The following DACH2 variants were observed in gnomAD, a reference collection of about 807,000 sequenced individuals.
DACH2 encodes dachshund homolog 2.
A neutral mutation model predicts 35.8 loss-of-function variants in DACH2; 17 were observed. The ratio of observed to expected loss-of-function variants is 0.48; its 90% CI spans 0.33 to 0.71. The LOEUF is 0.71. Among genes scored for constraint, DACH2 ranks in the 30% least tolerant of loss-of-function variants. The probability of loss-of-function intolerance (pLI) is 0.02; values close to 1 mark genes in which losing one functional copy is unlikely to be tolerated. For synonymous variants in DACH2, 195 were observed against 177.3 expected (o/e 1.10, Z -0.79); for missense variants, 469 against 472.7 (o/e 0.99, Z 0.07).
chrX:86,782,907 G>A lies in DACH2; in HGVS notation c.1241-29949G>A, dbSNP rs1402829454. 1.1e-4 allele frequency among the ~76,000 whole-genome samples: 12 copies of A among 109,885 alleles called. No homozygotes were observed. In the Admixed American group the frequency reaches 1.2e-3, roughly 11 times the overall value. ...AGGCAATCAAAGGAAAAAAAAAATG[G>A]ACAAGTGGGATTATATCAAATTAAA... On this transcript the variant is annotated intron_variant, in intron 7 of 11. Coordinates refer to ENST00000373125, the MANE Select transcript of DACH2 (RefSeq NM_053281.3).
intron 5 of DACH2, among the ~76,000 whole-genome samples, chrX:86,704,211 A>G (rs1002849145): frequency 1.8e-5 from 2 of 111,900 alleles, no homozygotes; most frequent in Non-Finnish European, 3.8e-5. Context: ...AACCCTATTC[A>G]ACAAATGGTG....
At chrX:86,206,687 C>T (rs2032321421) in intron 1 of DACH2, among the ~76,000 whole-genome samples, 1 of 111,879 alleles carries the variant, frequency 8.9e-6, no homozygotes. Context: ...CTTTCCTCAT[C>T]TGTAAATGGG....
rs187557425 is a variant in DACH2, at chrX:86,713,280, C to G, written c.932-1268C>G. 4.5e-5 allele frequency among the ~76,000 whole-genome samples: 5 copies of G among 111,384 alleles called. No homozygotes were observed. The East Asian group carries it at 1.1e-3, about 25-fold the overall frequency. On this transcript the variant is annotated intron_variant, in intron 5 of 11. Coordinates refer to ENST00000373125, the MANE Select transcript of DACH2 (RefSeq NM_053281.3). Reference sequence around the variant, plus strand: ...AAGAAGCCATAGAATGCGAGAAAATCTTTGTCCTAAAAATATATGTGTTTT... The same window carrying G: ...AAGAAGCCATAGAATGCGAGAAAATGTTTGTCCTAAAAATATATGTGTTTT...
intron 1 of DACH2, among the ~76,000 whole-genome samples, chrX:86,285,259 T>C (rs1044996589): frequency 2.7e-5 from 3 of 111,813 alleles, no homozygotes; most frequent in Non-Finnish European, 3.8e-5. Flanking sequence ...CTTTAAGATA[T>C]CTCATCAGAT....
chrX:86,654,969 T>C (rs1159286653), intron 4 of DACH2, among the ~76,000 whole-genome samples: 1 of 111,724 alleles, frequency 9.0e-6, no homozygotes, highest in Non-Finnish European at 1.9e-5. Flanking sequence ...ATCTGAAAAT[T>C]TTTGGTAATC....
chrX:86,202,266 C>T lies in DACH2; in HGVS notation c.488+53158C>T, dbSNP rs1366693493. Among the ~76,000 whole-genome samples the T allele has an allele frequency of 2.7e-5, 3 of 111,002 alleles. No homozygotes were observed. In the Admixed American group the frequency reaches 2.9e-4, roughly 11 times the overall value. On this transcript the variant is annotated intron_variant, in intron 1 of 11. Coordinates refer to ENST00000373125, the MANE Select transcript of DACH2 (RefSeq NM_053281.3). ...GGATTAAGTGGGAATGGCAGGCAAG[C>T]ATTCAACCAATTATAATACTATAGA...
chrX:86,242,151 T>G (rs2033178902), intron 1 of DACH2, among the ~76,000 whole-genome samples: 1 of 112,090 alleles, frequency 8.9e-6, no homozygotes, highest in Non-Finnish European at 1.9e-5. Flanking sequence ...CCCAGAATTG[T>G]AGGTCCACTG....
At chrX:86,309,293 G>A (rs1187771430) in intron 1 of DACH2, among the ~76,000 whole-genome samples, 1 of 112,173 alleles carries the variant, frequency 8.9e-6, no homozygotes, top group Admixed American at 9.4e-5. Flanking sequence ...TACTGTACCA[G>A]ATGTGGTTTG....
At chrX:86,817,184 A>G (rs1174926747) in intron 11 of DACH2, among the ~76,000 whole-genome samples, 1 of 112,019 alleles carries the variant, frequency 8.9e-6, no homozygotes, top group Non-Finnish European at 1.9e-5. Flanking sequence ...CTAATGCACT[A>G]TGTTAGGTGT....
chrX:86,668,164 C>A (rs758015918), intron 4 of DACH2, among the ~76,000 whole-genome samples: 1 of 112,069 alleles, frequency 8.9e-6, no homozygotes, highest in African/African-American at 3.2e-5. Flanking sequence ...TGAAAGTAAT[C>A]TATTTTCTTA....
chrX:86,567,364 A>G (rs1173654926), intron 3 of DACH2, among the ~76,000 whole-genome samples: 1 of 111,381 alleles, frequency 9.0e-6, no homozygotes, highest in Non-Finnish European at 1.9e-5. Flanking sequence ...TTTTAACTGG[A>G]TTTATCTGGC....
chrX:86,641,259 T>A (rs778705374), intron 3 of DACH2, among the ~76,000 whole-genome samples: 1 of 112,009 alleles, frequency 8.9e-6, no homozygotes, highest in East Asian at 2.8e-4. Flanking sequence ...AAGAAGAACC[T>A]AACGTGTCAG....
intron 3 of DACH2, among the ~76,000 whole-genome samples, chrX:86,621,933 G>T (rs2040073672): frequency 9.0e-6 from 1 of 111,662 alleles, no homozygotes; most frequent in Non-Finnish European, 1.9e-5. Flanking sequence ...TACAAATTTA[G>T]TGACTTCAGT....
intron 1 of DACH2, among the ~76,000 whole-genome samples, chrX:86,179,572 C>T (rs1305646657): frequency 1.8e-5 from 2 of 111,932 alleles, no homozygotes; most frequent in Non-Finnish European, 3.8e-5. Flanking sequence ...ATATACCTGA[C>T]ACATGTCATC....
chrX:86,286,956 A>G (rs1470410327), intron 1 of DACH2, among the ~76,000 whole-genome samples: 1 of 111,724 alleles, frequency 9.0e-6, no homozygotes, highest in Non-Finnish European at 1.9e-5. Flanking sequence ...TGTAATTACT[A>G]TTAATATTAC....
At chrX:86,412,451 G>C (rs1250115604) in intron 2 of DACH2, among the ~76,000 whole-genome samples, 1 of 111,639 alleles carries the variant, frequency 9.0e-6, no homozygotes, top group Non-Finnish European at 1.9e-5. Context: ...TTGTCACCTA[G>C]TTGGTGTTGT....
chrX:86,555,587 T>A (rs1171429314), intron 3 of DACH2, among the ~76,000 whole-genome samples: 1 of 111,844 alleles, frequency 8.9e-6, no homozygotes, highest in African/African-American at 3.2e-5. Flanking sequence ...TTTACTATTT[T>A]AAGCAAATAT....
intron 3 of DACH2, among the ~76,000 whole-genome samples, chrX:86,554,049 G>T (rs2039085728): frequency 9.0e-6 from 1 of 111,135 alleles, no homozygotes; most frequent in Non-Finnish European, 1.9e-5. Flanking sequence ...GTGTGTGTGT[G>T]TGTATGGCAT....
At chrX:86,726,528 C>T (rs1182899543) in intron 6 of DACH2, among the ~76,000 whole-genome samples, 1 of 111,435 alleles carries the variant, frequency 9.0e-6, no homozygotes, top group East Asian at 2.8e-4. Context: ...CCAGATCCTT[C>T]CTCAGTCCAA....
Sources: gnomAD v4.1 joint callset for allele counts (sites outside exome capture counted in the v4.1 genomes callset) on GRCh38, gnomAD v4.1.1 for gene constraint, MANE v1.5 for transcripts, NCBI Gene and HGNC (gene_info 2026-07-23, HGNC 2026-07-21) for gene names.